C6: variants seen among roughly 807,000 people sequenced by gnomAD.
C6 encodes the protein complement C6, also known as complement component C6.
Under a neutral mutation model 112.9 loss-of-function variants are expected in C6, and 101 were observed. The ratio of observed to expected loss-of-function variants is 0.89; its 90% confidence interval spans 0.76 to 1.06. The LOEUF (loss-of-function observed/expected upper bound fraction) is 1.06. C6 is among the 50% of genes least tolerant of loss of function. C6 has a pLI of 0.00. For missense variants in C6, 1,202 were observed against 1,104.6 expected (o/e 1.09, Z -1.25); for synonymous variants, 431 against 384.1 (o/e 1.12, Z -1.43).
chr5:41,172,324 G>T lies in C6; in HGVS notation c.1192C>A (p.His398Asn). The change falls in exon 9 of 18, where the codon CAC becomes AAC. Residue 398 changes from histidine (H) to asparagine (N), a missense_variant. Physicochemically the swap from His to Asn is moderately conservative, Grantham distance 68. Transcript: ENST00000337836. ...TTCTTTGTTTCAATCCTGACACAGT[G>T]TTTGGCTTCTTCCTCGGTTAAACCT... ...NSGLTEEEAK[H>N]CVRIETKKRV... is the part of the protein sequence containing the mutation. The T allele has an allele frequency of 6.2e-7, 1 of 1,613,620 alleles. No individual in the cohort carries two copies. Among genetic ancestry groups the T allele is most frequent in the Non-Finnish European group, 8.5e-7 (1 of 1,179,740 alleles).
At chr5:41,153,740 A>C in intron 15 of C6, 70 bp downstream of exon 15, 1 of 1,147,232 alleles carries the variant, frequency 8.7e-7, no homozygotes, top group Non-Finnish European at 1.3e-6. Flanking sequence ...TATAATGGCT[A>C]TAGAGGCTAT....
intron 7 of C6, among the ~76,000 whole-genome samples, chr5:41,179,990 T>C (rs1482015106): frequency 6.6e-6 from 1 of 152,132 alleles, no homozygotes; most frequent in African/African-American, 2.4e-5. Context: ...AGGTATTTGA[T>C]AAATGTTCGT....
At chr5:41,181,642 T>C in intron 6 of C6, 83 bp from the exon 7 acceptor site, 1 of 1,142,528 alleles carries the variant, frequency 8.8e-7, no homozygotes, top group Non-Finnish European at 1.3e-6. Flanking sequence ...TGATGATTTA[T>C]TTATTTATGC....
chr5:41,193,360 T>C lies in C6; in HGVS notation c.587+2432A>G, dbSNP rs548845342. Among the ~76,000 whole-genome samples the C allele has an allele frequency of 2.6e-5, 4 of 152,326 alleles. No homozygotes were observed. In the South Asian group the frequency reaches 6.2e-4, roughly 24 times the overall value. The stretch of plus-strand genomic sequence containing the variant: ...AGCTATGAAGAAATTTTCAGTCTTA[T>C]TCTTTCCTTCCTCCTCTCAGATGTT... On this transcript the variant is annotated intron_variant, in intron 5 of 17. Coordinates refer to ENST00000337836, the MANE Select transcript of C6 (RefSeq NM_000065.5).
intron 1 of C6, among the ~76,000 whole-genome samples, chr5:41,211,200 A>G (rs1311575313): frequency 6.6e-6 from 1 of 152,104 alleles, no homozygotes; most frequent in Non-Finnish European, 1.5e-5. Context: ...GAACACTTGG[A>G]CACAGGGTGG....
rs1749760201 is a variant in C6 at position 41,186,223 on chromosome 5, A to G, written c.588-15T>C. 6.2e-7 allele frequency: 1 copy of G among 1,613,326 alleles called. No homozygotes were observed. The highest frequency in any genetic ancestry group is 8.5e-7 in the Non-Finnish European group (1 of 1,179,588). ...GAAAATGAAACCTAGAAACAAAGTA[A>G]TTTTCAGGAATTCAACAGATGTAGA... On this transcript the variant is annotated splice_polypyrimidine_tract_variant and intron_variant, in intron 5 of 17. Transcript: ENST00000337836.
intron 9 of C6, among the ~76,000 whole-genome samples, chr5:41,162,506 T>C (rs1411579460): frequency 6.6e-6 from 1 of 152,250 alleles, no homozygotes; most frequent in East Asian, 1.9e-4. Flanking sequence ...TGACATTTAC[T>C]GTTAAAGTAT....
In C6 at chr5:41,161,804, A is replaced by G. The variant is rs1213000326; in HGVS notation, c.1347T>C (p.Ser449=). 1 of 1,612,680 alleles carries G rather than the reference A, an allele frequency of 6.2e-7. No homozygotes were observed. Among genetic ancestry groups the G allele is most frequent in the East Asian group, 2.2e-5 (1 of 44,836 alleles). ...KSISLIRGGR[S]EYGAALAWEK... is the part of the protein sequence containing the mutation. ...CCCATGCCAAAGCTGCTCCATATTC[A>G]CTCCTTCCACCTCGAATCAGGGATA... The change falls in exon 10 of 18, where the codon AGT becomes AGC. Residue 449 remains serine, a synonymous_variant. Transcript: ENST00000337836.
rs1394873217 is a variant in C6 at position 41,236,213 on chromosome 5, C to A, written c.-21+24981G>T. On this transcript the variant is annotated intron_variant, in intron 1 of 17. Transcript: ENST00000263413. The stretch of plus-strand genomic sequence containing the variant: ...TTCTAGGGTTTTTATGGTTTTAGGT[C>A]TAACGTTTAAATCTTTAATCCATCT... Among the ~76,000 whole-genome samples, 312 of 105,688 alleles carry A rather than the reference C, an allele frequency of 3.0e-3. 3 individuals carry two copies. Among genetic ancestry groups the A allele is most frequent in the African/African-American group, 0.012 (304 of 25,996 alleles). 69.3% of individuals were successfully genotyped at this position (105,688 alleles called of 152,430 possible).
At chr5:41,170,085 C>T (rs1748300859) in intron 9 of C6, among the ~76,000 whole-genome samples, 2 of 151,952 alleles carry the variant, frequency 1.3e-5, no homozygotes, top group Admixed American at 1.3e-4. Context: ...AAAATTCTTC[C>T]TTTATTTCAG....
In C6 at chr5:41,150,025, T is replaced by C. The variant is rs776657460; in HGVS notation, c.2291A>G (p.Asp764Gly). 5.0e-6 allele frequency: 8 copies of C among 1,601,756 alleles called. No individual in the cohort carries two copies. Among genetic ancestry groups the C allele is most frequent in the African/African-American group, 2.7e-5 (2 of 74,652 alleles). The part of the protein sequence containing the change: ...PISNSLTCEK[D>G]TLTKLKGHCQ... ...ATGGCCTTTTAATTTTGTTAGAGTATCTGAAACAAAAGAAAAAAGGAGAAA... is the reference window on the plus strand; with the variant it reads ...ATGGCCTTTTAATTTTGTTAGAGTACCTGAAACAAAAGAAAAAAGGAGAAA... The change falls in exon 16 of 18, where the codon GAT (aspartate) becomes GGT (glycine). Residue 764 changes from aspartate to glycine, a missense_variant and splice_region_variant. By Grantham distance (94) the Asp-to-Gly change is moderately conservative. Transcript: ENST00000337836.
chr5:41,203,365 C>T (rs1400365691), intron 1 of C6, 115 bp from the exon 2 acceptor site: 1 of 1,077,048 alleles, frequency 9.3e-7, no homozygotes, highest in Non-Finnish European at 1.4e-6. Context: ...ATTTTTCTGC[C>T]TTCCTTAAGG....
chr5:41,188,188 T>A (rs1749930321), intron 5 of C6, among the ~76,000 whole-genome samples: 1 of 152,086 alleles, frequency 6.6e-6, no homozygotes, highest in South Asian at 2.1e-4. Context: ...TTTGTGTTGT[T>A]GAGATAGCAG....
intron 9 of C6, among the ~76,000 whole-genome samples, chr5:41,162,838 T>A (rs983421167): frequency 6.6e-6 from 1 of 152,160 alleles, no homozygotes; most frequent in African/African-American, 2.4e-5. Flanking sequence ...GTATAAGGCG[T>A]AACAAAACAA....
intron 1 of C6, among the ~76,000 whole-genome samples, chr5:41,229,671 T>C (rs1739763706): frequency 6.6e-6 from 1 of 152,190 alleles, no homozygotes; most frequent in Non-Finnish European, 1.5e-5. Context: ...ATGGAATGTT[T>C]TGTATATGCC....
Position 41,238,597 on chromosome 5 carries a change from G to A in C6, c.-21+22597C>T, listed in dbSNP as rs2150422288. ...GACAAAGGGTTCAGGAAGTGATGGA[G>A]AAGAGGTGAGACATGACCAGTGTTG... On this transcript the variant is annotated intron_variant, in intron 1 of 17. Coordinates refer to the C6 transcript ENST00000263413. Among the ~76,000 whole-genome samples, 6 of 152,352 alleles carry A rather than the reference G, an allele frequency of 3.9e-5. 2 individuals are homozygous for A. Among genetic ancestry groups the A allele is most frequent in the Admixed American group, 3.9e-4 (6 of 15,304 alleles).
rs1284339155 is a variant in C6 at position 41,160,156 on chromosome 5, G to C, written c.1670C>G (p.Pro557Arg). ...TYGENCEKQS[P>R]DYKSNAVDGQ... The stretch of plus-strand genomic sequence containing the variant: ...CTGATACTTACTGGATTTATAATCT[G>C]GAGACTGTTTCTCACAGTTCTCACC... Residue 557 changes from proline (P) to arginine (R), a missense_variant, in exon 11 of 18, where the codon CCA becomes CGA. Physicochemically the swap from Pro to Arg is moderately radical, Grantham distance 103. Coordinates refer to ENST00000337836, the MANE Select transcript of C6 (RefSeq NM_000065.5). The C allele has an allele frequency of 1.2e-6, 2 of 1,610,602 alleles. No individual in the cohort carries two copies. The highest frequency in any genetic ancestry group is 1.7e-6 in the Non-Finnish European group (2 of 1,176,910).
intron 17 of C6, among the ~76,000 whole-genome samples, chr5:41,143,371 T>A (rs369328390): frequency 2.6e-5 from 4 of 152,172 alleles, no homozygotes; most frequent in African/African-American, 9.6e-5. Flanking sequence ...GGCACCTCCC[T>A]TTTACTCACT....
chr5:41,211,617 A>T (rs1751936035), intron 1 of C6, among the ~76,000 whole-genome samples: 1 of 152,070 alleles, frequency 6.6e-6, no homozygotes, highest in African/African-American at 2.4e-5. Context: ...CACTAGATAG[A>T]CTAGAGAAGC....
Sources: gnomAD v4.1 joint callset for allele counts (sites outside exome capture counted in the v4.1 genomes callset) on GRCh38, gnomAD v4.1.1 for gene constraint, MANE v1.5 for transcripts, NCBI Gene and HGNC (gene_info 2026-07-23, HGNC 2026-07-21) for gene names.